The following GNS variants were observed in gnomAD, a reference collection of about 807,000 sequenced individuals.
GNS encodes glucosamine (N-acetyl)-6-sulfatase, also known as N-acetylglucosamine-6-sulfatase.
A neutral mutation model predicts 69.7 loss-of-function variants in GNS; 40 were observed. The observed-to-expected ratio is 0.57, with a 90% confidence interval of 0.45 to 0.75. GNS has a LOEUF of 0.75. Ranked by LOEUF, GNS falls within the 30% of genes least tolerant of loss-of-function variation. The probability of loss-of-function intolerance (pLI) is 0.00; values close to 1 mark genes in which losing one functional copy is unlikely to be tolerated. For synonymous variants in GNS, 243 were observed against 251.6 expected, an observed-to-expected ratio of 0.97 and a Z score of 0.32; for missense variants, 565 against 685.5, an observed-to-expected ratio of 0.82 and a Z score of 1.96.
chr12:64,757,266 A>G (rs535985931), intron 1 of GNS, among the ~76,000 whole-genome samples: 52 of 152,370 alleles, frequency 3.4e-4, no homozygotes, highest in South Asian at 1.4e-3. Context: ...TGTGGTTTAT[A>G]AGAATTGAAG....
intron 7 of GNS, 34 bp downstream of exon 7, chr12:64,740,572 A>G: frequency 8.9e-7 from 1 of 1,129,484 alleles, no homozygotes; most frequent in Non-Finnish European, 1.4e-6. Flanking sequence ...GGTCTTTAAA[A>G]CCACTCAGAT....
chr12:64,730,777 A>G (rs1869366401), intron 9 of GNS, among the ~76,000 whole-genome samples: 1 of 152,228 alleles, frequency 6.6e-6, no homozygotes. Context: ...GGAAGAGGTC[A>G]CAGCAGGAAA....
intron 3 of GNS, 196 bp from the exon 4 acceptor site, chr12:64,745,920 C>G: frequency 1.7e-6 from 1 of 590,804 alleles, no homozygotes; most frequent in Non-Finnish European, 3.0e-6. Context: ...AAACTACAGC[C>G]AGTGAGCCAA....
intron 2 of GNS, among the ~76,000 whole-genome samples, chr12:64,750,706 C>T (rs1870049075): frequency 6.6e-6 from 1 of 151,884 alleles, no homozygotes; most frequent in South Asian, 2.1e-4. Context: ...AGTTTGAGAC[C>T]AGCCTGAGCA....
chr12:64,730,933 A>G (rs1367845172), intron 9 of GNS, among the ~76,000 whole-genome samples: 1 of 152,222 alleles, frequency 6.6e-6, no homozygotes, highest in Non-Finnish European at 1.5e-5. Flanking sequence ...TATGATGTCC[A>G]AGGCAGTTTT....
At position 64,728,582 on chromosome 12, in the gene GNS, G is replaced by A. The variant is rs77592548; in HGVS notation, c.1200+374C>T. Among the ~76,000 whole-genome samples the A allele has an allele frequency of 9.4e-3, 1,426 of 152,218 alleles. 18 individuals carry two copies. Among genetic ancestry groups the A allele is most frequent in the African/African-American group, 0.032 (1,314 of 41,520 alleles). On this transcript the variant is annotated intron_variant, in intron 10 of 13. Coordinates refer to ENST00000258145, the MANE Select transcript of GNS (RefSeq NM_002076.4). ...ATTAGCACTGAAGTAATCTTTTTGC[G>A]TTTGTTTTAGCCATTTTTAATTCTT... is the stretch of plus-strand genomic sequence containing the variant.
At position 64,729,113 on chromosome 12, in the gene GNS, T is replaced by G. The variant is rs1047886218; in HGVS notation, c.1099-56A>C. On this transcript the variant is annotated intron_variant, in intron 9 of 13. Coordinates refer to ENST00000258145, the MANE Select transcript of GNS (RefSeq NM_002076.4). Reference sequence around the variant, plus strand: ...CACAGCTGGTCTCATTTTCCTTTTCTACCTATACTAAAGTTCTCTTCCCCC... The same window carrying G: ...CACAGCTGGTCTCATTTTCCTTTTCGACCTATACTAAAGTTCTCTTCCCCC... The G allele has an allele frequency of 6.4e-6, 6 of 937,436 alleles. No individual in the cohort carries two copies. In the African/African-American group the frequency reaches 9.7e-5, roughly 15 times the overall value. The allele number at this position is 937,436 out of a possible 1,614,324, so 58.1% of individuals were successfully genotyped here.
At chr12:64,730,434 C>CAA (rs35692874) in intron 9 of GNS, among the ~76,000 whole-genome samples, 200 of 43,242 alleles carry the variant, frequency 4.6e-3, no homozygotes, top group African/African-American at 6.0e-3. Flanking sequence ...ATATGAAAGG[C>CAA]AAAAAAAAAA....
intron 13 of GNS, among the ~76,000 whole-genome samples, chr12:64,718,527 G>A (rs1349603868): frequency 6.6e-6 from 1 of 152,222 alleles, no homozygotes; most frequent in Non-Finnish European, 1.5e-5. Context: ...GGGCTGTGTG[G>A]AAATTCTATG....
At chr12:64,755,020 T>C (rs1870204249) in intron 1 of GNS, among the ~76,000 whole-genome samples, 1 of 152,152 alleles carries the variant, frequency 6.6e-6, no homozygotes, top group Non-Finnish European at 1.5e-5. Flanking sequence ...AAATGTGTCA[T>C]GTGTCTCTAT....
At chr12:64,747,994 A>C in intron 2 of GNS, 76 bp from the exon 3 acceptor site, 2 of 832,710 alleles carry the variant, frequency 2.4e-6, no homozygotes, top group South Asian at 2.7e-5. Flanking sequence ...AAGAGAGTAA[A>C]GAAAAGCTCC....
At chr12:64,753,796 T>C (rs1341855847) in intron 1 of GNS, among the ~76,000 whole-genome samples, 1 of 152,150 alleles carries the variant, frequency 6.6e-6, no homozygotes, top group African/African-American at 2.4e-5. Context: ...TCTGATAATT[T>C]CATGAGTAGA....
rs767842253 is a variant in GNS at position 64,720,148 on chromosome 12, G to A, written c.1454C>T (p.Pro485Leu). 2.5e-6 allele frequency: 4 copies of A among 1,604,846 alleles called. No individual in the cohort carries two copies. The highest frequency in any genetic ancestry group is 2.6e-6 in the Non-Finnish European group (3 of 1,171,598). ...TTTAGCAATGTTAGTGATCTGGTCT[G>A]GGTCTGCAGTCAGATTATAGACTTC... The part of the protein sequence containing the change: ...FVEVYNLTAD[P>L]DQITNIAKTI... Residue 485 changes from proline (P) to leucine (L), a missense_variant, in exon 13 of 14, where the codon CCA becomes CTA. Physicochemically the swap from Pro to Leu is moderately conservative, Grantham distance 98. Coordinates refer to ENST00000258145, the MANE Select transcript of GNS (RefSeq NM_002076.4).
At position 64,716,816 on chromosome 12, in the gene GNS, G is replaced by A. The variant is rs1012454282; in HGVS notation, c.1584C>T (p.Tyr528=). Residue 528 remains tyrosine, a synonymous_variant, in exon 14 of 14, where the codon TAC becomes TAT. Coordinates refer to ENST00000258145, the MANE Select transcript of GNS (RefSeq NM_002076.4). The stretch of plus-strand genomic sequence containing the variant: ...TGAACATGAGACGGGGGTCAAACCT[G>A]TATCTGGGGAGGAAAAACCAAATGT... The part of the protein sequence containing the change: ...CRTPGVFDPG[Y]RFDPRLMFSN... 1.2e-6 allele frequency: 2 copies of A among 1,608,150 alleles called. No homozygotes were observed. The highest frequency in any genetic ancestry group is 1.7e-6 in the Non-Finnish European group (2 of 1,174,598).
intron 2 of GNS, among the ~76,000 whole-genome samples, chr12:64,752,123 A>G (rs1415516230): frequency 6.6e-6 from 1 of 152,074 alleles, no homozygotes; most frequent in Non-Finnish European, 1.5e-5. Context: ...GTCCAAGGTC[A>G]CACTGCTAGA....
chr12:64,724,687 G>A (rs534479402), intron 10 of GNS, among the ~76,000 whole-genome samples: 5 of 152,152 alleles, frequency 3.3e-5, no homozygotes, highest in African/African-American at 7.2e-5. Flanking sequence ...GTGAAACCCC[G>A]TCTCTACTAA....
rs556366826 is a variant in GNS, at chr12:64,754,585, C to T, written c.193-1828G>A. ...GCAGGCAGGAGTCAGTGATGCAGGG[C>T]CACATAGGAATTTAGACTTTAGGCC... On this transcript the variant is annotated intron_variant, in intron 1 of 13. Coordinates refer to ENST00000258145, the MANE Select transcript of GNS (RefSeq NM_002076.4). 1.3e-4 allele frequency among the ~76,000 whole-genome samples: 20 copies of T among 151,990 alleles called. 1 individual carries two copies. The South Asian group carries it at 4.0e-3, about 30-fold the overall frequency.
At position 64,714,766 on chromosome 12, in the gene GNS, G is replaced by A. The variant is rs1364865715; in HGVS notation, c.*1975C>T. 1 of 152,308 alleles carries A rather than the reference G, an allele frequency of 6.6e-6. No homozygotes were observed. Among genetic ancestry groups the A allele is most frequent in the African/African-American group, 2.4e-5 (1 of 41,438 alleles). 9.4% of individuals were successfully genotyped at this position (152,308 alleles called of 1,614,324 possible). A position where few individuals can be genotyped will look rare whatever the true frequency, so the allele number is the denominator to read the frequency against. ...TTCTTTTTATTTGGAAATAACTATG[G>A]TCAACTTTCATTAATGTGGAAGTTG... On this transcript the variant is annotated 3_prime_UTR_variant, in exon 14 of 14. Transcript: ENST00000258145.
chr12:64,721,557 A>T (rs755998180), intron 12 of GNS, 38 bp downstream of exon 12: 13 of 946,782 alleles, frequency 1.4e-5, no homozygotes, highest in Non-Finnish European at 2.3e-5. Context: ...CACCAGCAAG[A>T]AAGGAGCGGG....
Sources: gnomAD v4.1 joint callset for allele counts (sites outside exome capture counted in the v4.1 genomes callset) on GRCh38, gnomAD v4.1.1 for gene constraint, MANE v1.5 for transcripts, NCBI Gene and HGNC (gene_info 2026-07-23, HGNC 2026-07-21) for gene names.